Variants in MGAT4C observed in about 807,000 individuals in gnomAD.
MGAT4C encodes alpha-1,3-mannosyl-glycoprotein 4-beta-N-acetylglucosaminyltransferase C.
MGAT4C carries 19 observed loss-of-function variants against 40.1 expected under a neutral mutation model. That is an observed-to-expected ratio of 0.47 (90% confidence interval 0.33 to 0.70). The LOEUF (loss-of-function observed/expected upper bound fraction) is 0.70. MGAT4C is among the 30% of genes least tolerant of loss of function. MGAT4C has a pLI of 0.02. For synonymous variants in MGAT4C, 181 were observed against 187.1 expected (o/e 0.97, Z 0.27); for missense variants, 491 against 563.2 (o/e 0.87, Z 1.30).
At chr12:86,054,681 T>C (rs918087043) in intron 1 of MGAT4C, among the ~76,000 whole-genome samples, 2 of 151,866 alleles carry the variant, frequency 1.3e-5, no homozygotes, top group Admixed American at 1.3e-4. Context: ...ATATCCATCA[T>C]TTATTTATCA....
intron 3 of MGAT4C, among the ~76,000 whole-genome samples, chr12:86,405,439 T>C (rs1476988690): frequency 5.9e-5 from 9 of 152,054 alleles, no homozygotes; most frequent in Admixed American, 3.3e-4. Context: ...TGCACCAGAC[T>C]TGTATGCTGA....
Position 86,002,474 on chromosome 12 carries a change from T to G in MGAT4C, c.-6-12922A>C, listed in dbSNP as rs971521670. 114 of 152,140 alleles carry G rather than the reference T, an allele frequency of 7.5e-4. 1 individual carries two copies. The highest frequency in any genetic ancestry group is 2.6e-3 in the African/African-American group (107 of 41,548). The allele number at this position is 152,140 out of a possible 1,614,324, so 9.4% of individuals were successfully genotyped here. A position where few individuals can be genotyped will look rare whatever the true frequency, so the allele number is the denominator to read the frequency against. On this transcript the variant is annotated intron_variant, in intron 2 of 4. Transcript: ENST00000611864. ...TTCCATCTGTCAGAAACACAATGAA[T>G]AAAACTATAAAGTAGAGGAAATAAG...
chr12:86,138,477 C>CATATATATATTTCCATATATATAT (rs1566037159), intron 1 of MGAT4C, among the ~76,000 whole-genome samples: 33 of 125,058 alleles, frequency 2.6e-4, no homozygotes, highest in East Asian at 1.1e-3. Context: ...CCATATATAT[C>CATATATATATTTCCATATATATAT]CATATATATA....
At chr12:86,049,605 A>G (rs890608887) in intron 2 of MGAT4C, 69 bp downstream of exon 2, 17 of 795,592 alleles carry the variant, frequency 2.1e-5, no homozygotes, top group African/African-American at 5.6e-5. Context: ...TACTTATTAA[A>G]TATTTTTGAT....
chr12:86,612,833 A>G (rs1474693187), intron 2 of MGAT4C, among the ~76,000 whole-genome samples: 2 of 152,122 alleles, frequency 1.3e-5, no homozygotes, highest in Non-Finnish European at 2.9e-5. Context: ...TGTAAAATAA[A>G]TTATTCCTAC....
chr12:86,140,957 C>T (rs1882751853), intron 1 of MGAT4C, among the ~76,000 whole-genome samples: 3 of 152,122 alleles, frequency 2.0e-5, no homozygotes, highest in Admixed American at 2.0e-4. Flanking sequence ...TTTTCCCTGC[C>T]ATTGATGCCA....
At chr12:86,455,315 A>C (rs1377283065) in intron 2 of MGAT4C, among the ~76,000 whole-genome samples, 1 of 152,094 alleles carries the variant, frequency 6.6e-6, no homozygotes, top group Non-Finnish European at 1.5e-5. Flanking sequence ...AAATTAATTA[A>C]ATCACTCCTT....
At chr12:86,032,132 T>G (rs1445125452) in intron 2 of MGAT4C, among the ~76,000 whole-genome samples, 1 of 152,000 alleles carries the variant, frequency 6.6e-6, no homozygotes, top group African/African-American at 2.4e-5. Context: ...TCCTGTGGTA[T>G]ATATCTACCA....
intron 3 of MGAT4C, among the ~76,000 whole-genome samples, chr12:86,370,620 G>A (rs535547597): frequency 5.6e-4 from 85 of 152,182 alleles, no homozygotes; most frequent in Non-Finnish European, 1.1e-3. Context: ...TTAAAAGATT[G>A]TTACGAAAGC....
At chr12:86,611,024 T>C (rs1962238141) in intron 2 of MGAT4C, among the ~76,000 whole-genome samples, 5 of 151,522 alleles carry the variant, frequency 3.3e-5, no homozygotes, top group Admixed American at 2.6e-4. Context: ...TGCTCAGTCA[T>C]AGGCTGGAGA....
intron 2 of MGAT4C, among the ~76,000 whole-genome samples, chr12:86,571,455 T>C (rs1399575836): frequency 1.3e-5 from 2 of 152,110 alleles, no homozygotes; most frequent in African/African-American, 4.8e-5. Flanking sequence ...CACTAAAATA[T>C]GCATTAAAGA....
intron 3 of MGAT4C, among the ~76,000 whole-genome samples, chr12:86,410,591 C>G (rs894610475): frequency 1.3e-5 from 2 of 152,108 alleles, no homozygotes; most frequent in African/African-American, 2.4e-5. Context: ...TGTTCAAACA[C>G]ACATGTTTTA....
intron 3 of MGAT4C, among the ~76,000 whole-genome samples, chr12:86,365,559 T>TA (rs1955573550): frequency 6.6e-6 from 1 of 152,188 alleles, no homozygotes; most frequent in African/African-American, 2.4e-5. Context: ...TAAGAAATTA[T>TA]AAAAGTATTA....
intron 1 of MGAT4C, among the ~76,000 whole-genome samples, chr12:86,056,478 G>T (rs2136986987): frequency 6.6e-6 from 1 of 152,262 alleles, no homozygotes; most frequent in South Asian, 2.1e-4. Context: ...GTGAGAACAT[G>T]CAGTGTTTGG....
chr12:86,592,360 G>C (rs1961361010), intron 2 of MGAT4C, among the ~76,000 whole-genome samples: 1 of 151,972 alleles, frequency 6.6e-6, no homozygotes, highest in Non-Finnish European at 1.5e-5. Context: ...TTGAGACTCA[G>C]TACTAGAATG....
At chr12:86,013,840 C>T in intron 2 of MGAT4C, 1 of 783,596 alleles carries the variant, frequency 1.3e-6, no homozygotes, top group Non-Finnish European at 1.5e-6. Flanking sequence ...TTCCATCATT[C>T]TATTCAAGCT....
At chr12:86,452,001 T>A (rs1266560237) in intron 2 of MGAT4C, among the ~76,000 whole-genome samples, 1 of 152,060 alleles carries the variant, frequency 6.6e-6, no homozygotes, top group Non-Finnish European at 1.5e-5. Flanking sequence ...TTTCTCTTGG[T>A]TTTCAATCAT....
intron 2 of MGAT4C, among the ~76,000 whole-genome samples, chr12:86,679,970 C>T (rs1856355292): frequency 1.3e-5 from 2 of 151,998 alleles, no homozygotes; most frequent in Non-Finnish European, 2.9e-5. Flanking sequence ...AGAGTATCCT[C>T]ACCTCATTCA....
intron 3 of MGAT4C, among the ~76,000 whole-genome samples, chr12:86,377,140 A>C (rs1955844246): frequency 6.7e-6 from 1 of 148,690 alleles, no homozygotes; most frequent in Non-Finnish European, 1.5e-5. Context: ...CGCTCACTGC[A>C]ACCTCCACCT....
Sources: gnomAD v4.1 joint callset for allele counts (sites outside exome capture counted in the v4.1 genomes callset) on GRCh38, gnomAD v4.1.1 for gene constraint, MANE v1.5 for transcripts, NCBI Gene and HGNC (gene_info 2026-07-23, HGNC 2026-07-21) for gene names.